Variants in PLVAP observed in about 807,000 individuals in gnomAD.
The protein encoded by PLVAP is plasmalemma vesicle-associated protein.
Under a neutral mutation model 43.1 loss-of-function variants are expected in PLVAP, and 34 were observed. That is an observed-to-expected ratio of 0.79 (90% CI 0.60 to 1.05). PLVAP has a LOEUF of 1.05. PLVAP is among the 50% of genes least tolerant of loss of function. The pLI, the probability that PLVAP is intolerant of heterozygous loss-of-function variation, is 0.00. For synonymous variants in PLVAP, 241 were observed against 237.3 expected, an observed-to-expected ratio of 1.02 and a Z score of -0.14; for missense variants, 574 against 593.4, an observed-to-expected ratio of 0.97 and a Z score of 0.34.
intron 3 of PLVAP, chr19:17,362,732 A>G (rs2074533334): frequency 6.6e-6 from 1 of 152,228 alleles, no homozygotes; most frequent in South Asian, 2.1e-4. Flanking sequence ...CTCAATTTGC[A>G]AGCTTTTCTC....
chr19:17,367,062 T>G (rs2074553293), intron 1 of PLVAP, among the ~76,000 whole-genome samples: 2 of 149,808 alleles, frequency 1.3e-5, no homozygotes, highest in South Asian at 4.3e-4. Flanking sequence ...CTTGCATCAG[T>G]CTCCCGAGGA....
At chr19:17,366,243 C>T (rs559509785) in intron 1 of PLVAP, 48 bp from the exon 2 acceptor site, 2 of 1,585,868 alleles carry the variant, frequency 1.3e-6, no homozygotes, top group East Asian at 2.2e-5. Context: ...TAGTGTCTTG[C>T]CCCCAGGACT....
At chr19:17,372,898 T>C (rs111886987) in intron 1 of PLVAP, among the ~76,000 whole-genome samples, 2,820 of 138,860 alleles carry the variant, frequency 0.02, 93 homozygotes, top group African/African-American at 0.067. Flanking sequence ...CCGTCTCTAC[T>C]AAAAATACAA....
chr19:17,360,284 C>T (rs1273429935), intron 5 of PLVAP, among the ~76,000 whole-genome samples: 1 of 152,202 alleles, frequency 6.6e-6, no homozygotes, highest in Non-Finnish European at 1.5e-5. Flanking sequence ...TAATTGTAGG[C>T]TCTTTGGTAG....
intron 1 of PLVAP, among the ~76,000 whole-genome samples, chr19:17,368,141 G>A (rs1220989331): frequency 1.5e-5 from 2 of 134,078 alleles, no homozygotes; most frequent in South Asian, 2.4e-4. Flanking sequence ...GCATGATCTC[G>A]GCTCACTGCA....
At position 17,352,246 on chromosome 19, in the gene PLVAP, C is replaced by T; in HGVS notation, c.*116G>A. The T allele has an allele frequency of 7.1e-7, 1 of 1,414,702 alleles. No homozygotes were observed. Among genetic ancestry groups the T allele is most frequent in the Non-Finnish European group, 9.8e-7 (1 of 1,019,146 alleles). The allele number at this position is 1,414,702 out of a possible 1,614,324, so 87.6% of individuals were successfully genotyped here. On this transcript the variant is annotated 3_prime_UTR_variant, in exon 6 of 6. Coordinates refer to ENST00000252590, the MANE Select transcript of PLVAP (RefSeq NM_031310.3). The stretch of plus-strand genomic sequence containing the variant: ...CATGCAGGGAGTTGTCTGATGGTGG[C>T]CCTGGGTGGTTGGGGGCGGCGGGAG...
At chr19:17,369,799 G>A (rs1423960330) in intron 1 of PLVAP, among the ~76,000 whole-genome samples, 1 of 150,376 alleles carries the variant, frequency 6.6e-6, no homozygotes, top group African/African-American at 2.4e-5. Context: ...TTGGGCATTC[G>A]AGACCAGCCT....
chr19:17,356,203 G>A lies in PLVAP; in HGVS notation c.1323-3835C>T, dbSNP rs756178998. ...CACGTGCCTGTAATCCCAGCTACTC[G>A]GGAGGCTGAGGCATGAGAATCGCTT... On this transcript the variant is annotated intron_variant, in intron 5 of 5. Transcript: ENST00000252590. Among the ~76,000 whole-genome samples, 6 of 152,128 alleles carry A rather than the reference G, an allele frequency of 3.9e-5. No individual in the cohort carries two copies. In the East Asian group the frequency reaches 9.7e-4, roughly 25 times the overall value.
intron 5 of PLVAP, among the ~76,000 whole-genome samples, chr19:17,356,722 G>A (rs377141210): frequency 1.3e-5 from 2 of 152,030 alleles, no homozygotes; most frequent in Admixed American, 1.3e-4. Context: ...CACTGTGGGA[G>A]GCTGAGGTGG....
rs370947187 is a variant in PLVAP at position 17,368,455 on chromosome 19, G to A, written c.370-2260C>T. On this transcript the variant is annotated intron_variant, in intron 1 of 5. Coordinates refer to ENST00000252590, the MANE Select transcript of PLVAP (RefSeq NM_031310.3). Reference sequence around the variant, plus strand: ...TCAAACTCCTGACCTCAGGTGATTCGCCCCCCTCGGCCTCCCAAAGTGCTG... The same window carrying A: ...TCAAACTCCTGACCTCAGGTGATTCACCCCCCTCGGCCTCCCAAAGTGCTG... 1.1e-4 allele frequency among the ~76,000 whole-genome samples: 16 copies of A among 151,790 alleles called. No individual in the cohort carries two copies. In the East Asian group the frequency reaches 1.2e-3, roughly 11 times the overall value.
chr19:17,371,418 C>T (rs1033079223), intron 1 of PLVAP, among the ~76,000 whole-genome samples: 1 of 152,076 alleles, frequency 6.6e-6, no homozygotes, highest in Non-Finnish European at 1.5e-5. Context: ...CCTCAGTCTC[C>T]TGCCTTGACT....
chr19:17,367,573 G>C (rs1486898749), intron 1 of PLVAP, among the ~76,000 whole-genome samples: 1 of 152,032 alleles, frequency 6.6e-6, no homozygotes, highest in Non-Finnish European at 1.5e-5. Flanking sequence ...ATTTTTAGTA[G>C]AGATGGGGTT....
In PLVAP at chr19:17,365,546, G is replaced by C. The variant is rs2074545527; in HGVS notation, c.919C>G (p.Gln307Glu). The change falls in exon 3 of 6, where the codon CAG becomes GAG. Residue 307 changes from glutamine to glutamate, a missense_variant. Coordinates refer to ENST00000252590, the MANE Select transcript of PLVAP (RefSeq NM_031310.3). The part of the protein sequence containing the change: ...VARENSDLQR[Q>E]KLEAQQGLRA... The stretch of plus-strand genomic sequence containing the variant: ...AGGCCCTGCTGGGCTTCCAGCTTCT[G>C]GCGTTGGAGGTCTGAGTTCTCGCGG... 1.2e-6 allele frequency: 2 copies of C among 1,611,810 alleles called. No homozygotes were observed. The highest frequency in any genetic ancestry group is 2.7e-5 in the African/African-American group (2 of 74,948).
chr19:17,360,908 CTTTT>C, intron 3 of PLVAP, 76 bp from the exon 4 acceptor site: 2 of 1,062,932 alleles, frequency 1.9e-6, no homozygotes. Context: ...CTTTTCTTTT[CTTTT>C]TCTTTTTTTT....
In PLVAP at chr19:17,358,290, G is replaced by GGAA. The variant is rs1276901918; in HGVS notation, c.1322+2237_1322+2238insTTC. On this transcript the variant is annotated intron_variant, in intron 5 of 5. Coordinates refer to ENST00000252590, the MANE Select transcript of PLVAP (RefSeq NM_031310.3). ...AGGAAAAAAAAAAAAAAGAAGAAGAGGTGGAAATGGAGCTGGACATGATGC... is the reference window on the plus strand; with the variant it reads ...AGGAAAAAAAAAAAAAAGAAGAAGAGGAAGTGGAAATGGAGCTGGACATGATGC... Among the ~76,000 whole-genome samples the GGAA allele has an allele frequency of 4.8e-5, 7 of 145,932 alleles. No homozygotes were observed. In the East Asian group the frequency reaches 1.4e-3, roughly 29 times the overall value.
rs1270059716 is a variant in PLVAP at position 17,351,583 on chromosome 19, G to C, written c.*779C>G. On this transcript the variant is annotated 3_prime_UTR_variant, in exon 6 of 6. Coordinates refer to ENST00000252590, the MANE Select transcript of PLVAP (RefSeq NM_031310.3). ...ACCCTCACCCCCGGCTCAGGGCCCCGAGGGGGTCCTGGAAACACTCACGCT... is the reference window on the plus strand; with the variant it reads ...ACCCTCACCCCCGGCTCAGGGCCCCCAGGGGGTCCTGGAAACACTCACGCT... 6.6e-6 allele frequency: 1 copy of C among 152,254 alleles called. No homozygotes were observed. The highest frequency in any genetic ancestry group is 6.5e-5 in the Admixed American group (1 of 15,276). 9.4% of individuals were successfully genotyped at this position (152,254 alleles called of 1,614,324 possible).
intron 5 of PLVAP, among the ~76,000 whole-genome samples, chr19:17,352,877 G>A (rs141599530): frequency 4.6e-5 from 7 of 152,240 alleles, no homozygotes; most frequent in Admixed American, 2.0e-4. Flanking sequence ...ACCTTACAAC[G>A]TGGCATTCAG....
At chr19:17,358,157 G>T (rs2074513551) in intron 5 of PLVAP, among the ~76,000 whole-genome samples, 1 of 152,086 alleles carries the variant, frequency 6.6e-6, no homozygotes, top group Non-Finnish European at 1.5e-5. Context: ...CCTCCCTGTG[G>T]GCTGCTCAGG....
intron 3 of PLVAP, 117 bp downstream of exon 3, chr19:17,365,169 A>C: frequency 1.1e-6 from 1 of 874,478 alleles, no homozygotes; most frequent in Non-Finnish European, 1.7e-6. Context: ...GTTGTAACTC[A>C]CCCAACCTAG....
Sources: gnomAD v4.1 joint callset for allele counts (sites outside exome capture counted in the v4.1 genomes callset) on GRCh38, gnomAD v4.1.1 for gene constraint, MANE v1.5 for transcripts, NCBI Gene and HGNC (gene_info 2026-07-23, HGNC 2026-07-21) for gene names.